The following FBN2 variants were observed in gnomAD, a reference collection of about 807,000 sequenced individuals.
The protein encoded by FBN2 is fibrillin-2.
FBN2 carries 105 observed loss-of-function variants against 355.6 expected under a neutral mutation model. The observed-to-expected ratio is 0.30, with a 90% CI of 0.25 to 0.35. The LOEUF (loss-of-function observed/expected upper bound fraction) is 0.35. FBN2 is among the 10% of genes least tolerant of loss of function. The pLI, the probability that FBN2 is intolerant of heterozygous loss-of-function variation, is 1.00. For synonymous variants in FBN2, 1,350 were observed against 1,301.2 expected (o/e 1.04, Z -0.81); for missense variants, 3,280 against 3,758.7 (o/e 0.87, Z 3.33).
intron 34 of FBN2, 112 bp downstream of exon 34, chr5:128,328,584 C>T: frequency 9.3e-7 from 1 of 1,080,792 alleles, no homozygotes; most frequent in East Asian, 2.5e-5. Flanking sequence ...TTTTATAGTG[C>T]AGCATGTGCT....
rs781257640 is a variant in FBN2, at chr5:128,487,094, C to T, written c.629-22173G>A. ...CCTTTAAAATTAGGTATGGCCACAA[C>T]ATGTGACTTTTTATGGCCAATGATA... On this transcript the variant is annotated intron_variant, in intron 5 of 64. Transcript: ENST00000262464. Among the ~76,000 whole-genome samples the T allele has an allele frequency of 3.9e-5, 6 of 152,292 alleles. No homozygotes were observed. In the South Asian group the frequency reaches 1.0e-3, roughly 26 times the overall value.
chr5:128,289,982 G>A (rs1749275897), intron 50 of FBN2, 35 bp from the exon 51 acceptor site: 5 of 1,251,364 alleles, frequency 4.0e-6, no homozygotes, highest in Non-Finnish European at 5.9e-6. Flanking sequence ...CATTATTGAA[G>A]ACTTGAAATT....
At chr5:128,408,546 G>A (rs554669482) in intron 8 of FBN2, 128 bp downstream of exon 8, 86 of 1,109,048 alleles carry the variant, frequency 7.8e-5, no homozygotes, top group East Asian at 7.5e-5. Flanking sequence ...TACTGGTACC[G>A]TTTACATTAA....
rs183898798 is a variant in FBN2 at position 128,488,492 on chromosome 5, T to G, written c.629-23571A>C. Among the ~76,000 whole-genome samples the G allele has an allele frequency of 9.0e-4, 137 of 152,228 alleles. 2 individuals carry two copies. Among genetic ancestry groups the G allele is most frequent in the Admixed American group, 2.2e-3 (33 of 15,282 alleles). ...TCTGTGCTTCTTTGATTTTATTTCT[T>G]TTTTTTAATTTTTTTATTATTATTG... On this transcript the variant is annotated intron_variant, in intron 5 of 64. Coordinates refer to ENST00000262464, the MANE Select transcript of FBN2 (RefSeq NM_001999.4).
At chr5:128,348,681 GA>G (rs768364465) in intron 23 of FBN2, among the ~76,000 whole-genome samples, 23 of 151,296 alleles carry the variant, frequency 1.5e-4, no homozygotes, top group South Asian at 6.3e-4. Context: ...CTTATTGGGG[GA>G]AAAAAAATCT....
intron 63 of FBN2, 107 bp from the exon 64 acceptor site, chr5:128,262,014 T>A (rs1764988453): frequency 1.2e-6 from 1 of 843,774 alleles, no homozygotes. Context: ...GAGCAAACAC[T>A]AAACTCATAA....
chr5:128,358,769 C>T (rs1751566964), intron 19 of FBN2, among the ~76,000 whole-genome samples: 1 of 151,944 alleles, frequency 6.6e-6, no homozygotes, highest in African/African-American at 2.4e-5. Flanking sequence ...TAAGGACAGA[C>T]CACATATAAT....
intron 7 of FBN2, among the ~76,000 whole-genome samples, chr5:128,441,561 T>C (rs1339933502): frequency 6.6e-6 from 1 of 152,246 alleles, no homozygotes; most frequent in East Asian, 1.9e-4. Context: ...TTTAATAAGA[T>C]AACCCATGTA....
At chr5:128,358,368 G>A (rs1009219046) in intron 19 of FBN2, among the ~76,000 whole-genome samples, 2 of 152,004 alleles carry the variant, frequency 1.3e-5, no homozygotes, top group East Asian at 1.9e-4. Context: ...ATTTTATATT[G>A]AACACTGGGG....
At chr5:128,386,391 T>C (rs1752366432) in intron 11 of FBN2, among the ~76,000 whole-genome samples, 1 of 152,164 alleles carries the variant, frequency 6.6e-6, no homozygotes, top group Admixed American at 6.5e-5. Context: ...ATCCCTGTTT[T>C]TGTACCAGTA....
intron 36 of FBN2, among the ~76,000 whole-genome samples, chr5:128,315,845 G>A (rs527793965): frequency 6.6e-6 from 1 of 152,268 alleles, no homozygotes; most frequent in South Asian, 2.1e-4. Flanking sequence ...TTTGTCTACG[G>A]AAATACACTG....
intron 25 of FBN2, among the ~76,000 whole-genome samples, chr5:128,340,509 G>A (rs1368171144): frequency 6.6e-6 from 1 of 152,112 alleles, no homozygotes; most frequent in Admixed American, 6.5e-5. Context: ...CTATCTATCA[G>A]TATCTAGGAC....
intron 5 of FBN2, among the ~76,000 whole-genome samples, chr5:128,509,178 T>C (rs556794470): frequency 9.9e-4 from 150 of 152,274 alleles, no homozygotes; most frequent in Admixed American, 1.6e-3. Context: ...TCTTCAAATA[T>C]ATTTTTTCTG....
chr5:128,365,460 T>C (rs1430559969), intron 17 of FBN2: 2 of 152,088 alleles, frequency 1.3e-5, no homozygotes, highest in Non-Finnish European at 2.9e-5. Context: ...TTTGATGCTA[T>C]TGTTTTCAAT....
intron 6 of FBN2, among the ~76,000 whole-genome samples, chr5:128,456,613 C>T (rs556255293): frequency 7.2e-5 from 11 of 152,176 alleles, no homozygotes; most frequent in African/African-American, 2.6e-4. Flanking sequence ...GCTCTCTAGT[C>T]TCCTTGAGTG....
chr5:128,368,477 C>CAT (rs1251022300), intron 16 of FBN2, among the ~76,000 whole-genome samples: 1 of 144,280 alleles, frequency 6.9e-6, no homozygotes. Flanking sequence ...CATATATATA[C>CAT]ATATATATAC....
In FBN2 at chr5:128,301,506, T is replaced by C. The variant is rs1413841772; in HGVS notation, c.5922A>G (p.Ile1974Met). Residue 1974 changes from isoleucine (I) to methionine (M), a missense_variant, in exon 47 of 65, where the codon ATA (isoleucine) becomes ATG (methionine). By Grantham distance (10) the Ile-to-Met change is conservative. Around this residue, in one of 6 missense-constraint regions of FBN2, gnomAD observed 2,284 missense variants for 2,749.5 expected, o/e 0.83. Coordinates refer to ENST00000262464, the MANE Select transcript of FBN2 (RefSeq NM_001999.4). ...GACCAAAAAAGGAACTGCACTCATC[T>C]ATGTCTGTAAGCAAACAGGAGTATG... ...ELTHNNDCLDIDECSSFFGQV... is the reference protein window; with the variant it reads ...ELTHNNDCLDMDECSSFFGQV... The C allele has an allele frequency of 1.1e-5, 17 of 1,613,074 alleles. No homozygotes were observed. The highest frequency in any genetic ancestry group is 3.3e-4 in the Middle Eastern group (2 of 6,080).
At chr5:128,413,605 C>T (rs331068) in intron 7 of FBN2, among the ~76,000 whole-genome samples, 63,862 of 151,982 alleles carry the variant, frequency 0.42, 15,479 homozygotes, top group Middle Eastern at 0.58. Flanking sequence ...GTAAATCTTA[C>T]ACTAAACGGA....
intron 5 of FBN2, among the ~76,000 whole-genome samples, chr5:128,503,530 T>C (rs1057248490): frequency 6.6e-6 from 1 of 152,024 alleles, no homozygotes; most frequent in Non-Finnish European, 1.5e-5. Flanking sequence ...TGGTCTCAGA[T>C]GGAGATGAGG....
Sources: allele counts gnomAD v4.1 joint callset (sites outside exome capture counted in the v4.1 genomes callset), GRCh38; gene constraint gnomAD v4.1.1; regional missense constraint gnomAD v4.1.1; transcripts MANE v1.5; gene names NCBI Gene and HGNC (gene_info 2026-07-23, HGNC 2026-07-21).